Variants in FGFR1 observed in about 807,000 individuals in gnomAD.
FGFR1 encodes the protein fibroblast growth factor receptor 1, also known as FGFR1/PLAG1 fusion.
In FGFR1, 18 loss-of-function variants were observed where a neutral mutation model predicts 93.7. That is an observed-to-expected ratio of 0.19 (90% CI 0.13 to 0.28). The LOEUF is 0.28. FGFR1 is among the 10% of genes least tolerant of loss of function. The pLI is 1.00. For synonymous variants in FGFR1, 448 were observed against 429.3 expected (o/e 1.04, Z -0.54); for missense variants, 731 against 1,080.4 (o/e 0.68, Z 4.53).
rs2150856652 is a variant in FGFR1, at chr8:38,426,111, T to A, written c.745+11A>T. The A allele has an allele frequency of 6.2e-7, 1 of 1,614,156 alleles. No individual in the cohort carries two copies. On this transcript the variant is annotated intron_variant, in intron 6 of 17. Coordinates refer to ENST00000447712, the MANE Select transcript of FGFR1 (RefSeq NM_023110.3). This position sits in a 1 kb window ranked among gnomAD's most constrained non-coding sequence, Gnocchi z 4.1. ...CTAAACTCATTCCTCCTGCTGCCTC[T>A]GCCCTCTTACCCACGACATCCAGCT...
At chr8:38,421,052 A>T (rs990348643) in intron 8 of FGFR1, among the ~76,000 whole-genome samples, 1 of 152,150 alleles carries the variant, frequency 6.6e-6, no homozygotes, top group Non-Finnish European at 1.5e-5. Context: ...GAGAGAGAAG[A>T]GGGCAGTGCC....
rs1018137382 is a variant in FGFR1 at position 38,429,150 on chromosome 8, A to G, written c.358+532T>C. On this transcript the variant is annotated intron_variant, in intron 3 of 17. Transcript: ENST00000447712. The surrounding 1 kb of genome is among the most constrained non-coding windows in gnomAD (Gnocchi z 4.4). ...TTTCAGCTCCACTTCCTCAACTCCTAGTTTTGTGAAAGTCACATTCTAAGA... is the reference window on the plus strand; with the variant it reads ...TTTCAGCTCCACTTCCTCAACTCCTGGTTTTGTGAAAGTCACATTCTAAGA... 4.9e-5 allele frequency: 18 copies of G among 368,088 alleles called. No homozygotes were observed. The highest frequency in any genetic ancestry group is 8.6e-5 in the Non-Finnish European group (16 of 185,722). The allele number at this position is 368,088 out of a possible 1,614,324, so 22.8% of individuals were successfully genotyped here. A position where few individuals can be genotyped will look rare whatever the true frequency, so the allele number is the denominator to read the frequency against.
In FGFR1 at chr8:38,413,582, G is replaced by C. The variant is rs914122698; in HGVS notation, c.*46C>G. On this transcript the variant is annotated 3_prime_UTR_variant, in exon 18 of 18. Transcript: ENST00000447712. This position sits in a 1 kb window ranked among gnomAD's most constrained non-coding sequence, Gnocchi z 4.2. Reference sequence around the variant, plus strand: ...TGGGCCCAGCAGGGGCTGTGGGTGAGGGTTACAGCTGACGGTGGAGTCTGG... The same window carrying C: ...TGGGCCCAGCAGGGGCTGTGGGTGACGGTTACAGCTGACGGTGGAGTCTGG... 3 of 1,566,256 alleles carry C rather than the reference G, an allele frequency of 1.9e-6. No individual in the cohort carries two copies. The African/African-American group carries it at 4.0e-5, about 21-fold the overall frequency.
At position 38,417,979 on chromosome 8, in the gene FGFR1, G is replaced by A. The variant is rs2150658041; in HGVS notation, c.1443C>T (p.Gly481=). ...WELPRDRLVL[G]KPLGEGCFGQ... is the part of the protein sequence containing the mutation. The stretch of plus-strand genomic sequence containing the variant: ...CAAAGCAGCCCTCTCCCAGGGGTTT[G>A]CCTAAGACCAGTCTTTCGGGGGAAA... Residue 481 remains glycine (G), a synonymous_variant, in exon 11 of 18, where the codon GGC becomes GGT. Coordinates refer to ENST00000447712, the MANE Select transcript of FGFR1 (RefSeq NM_023110.3). 6.2e-7 allele frequency: 1 copy of A among 1,614,228 alleles called. No homozygotes were observed.
intron 2 of FGFR1, among the ~76,000 whole-genome samples, chr8:38,446,351 C>T (rs1432161287): frequency 3.3e-5 from 5 of 152,038 alleles, no homozygotes; most frequent in African/African-American, 1.2e-4. Flanking sequence ...CTTGGGATTA[C>T]AGGCGCCCGC....
intron 1 of FGFR1, among the ~76,000 whole-genome samples, chr8:38,460,067 CA>C (rs1360026965): frequency 4.6e-5 from 7 of 152,148 alleles, no homozygotes; most frequent in Non-Finnish European, 7.3e-5. Flanking sequence ...CCTGTAATCC[CA>C]GCTACTCAGG....
intron 13 of FGFR1, 98 bp downstream of exon 13, chr8:38,415,772 C>T (rs756817433): frequency 6.5e-6 from 8 of 1,240,044 alleles, no homozygotes; most frequent in Non-Finnish European, 9.3e-6. Flanking sequence ...CTCAGTGCAT[C>T]CACAACGCCA....
At position 38,428,453 on chromosome 8, in the gene FGFR1, G is replaced by A. The variant is rs1177584027; in HGVS notation, c.359-18C>T. On this transcript the variant is annotated intron_variant, in intron 3 of 17. Coordinates refer to ENST00000447712, the MANE Select transcript of FGFR1 (RefSeq NM_023110.3). ...GAGAGCATCTATGGGAAGAAGAAGG[G>A]GCACTGAGGTTCCTCCTAGGGACCC... 14 of 1,599,250 alleles carry A rather than the reference G, an allele frequency of 8.8e-6. No homozygotes were observed. In the East Asian group the frequency reaches 3.1e-4, roughly 36 times the overall value.
intron 12 of FGFR1, among the ~76,000 whole-genome samples, chr8:38,416,702 G>A (rs918343975): frequency 2.0e-5 from 3 of 151,854 alleles, no homozygotes; most frequent in Non-Finnish European, 2.9e-5. Flanking sequence ...TGATCCACCC[G>A]CCTCACCCTC....
intron 8 of FGFR1, chr8:38,419,988 A>G (rs1196855147): frequency 7.9e-6 from 4 of 507,546 alleles, no homozygotes; most frequent in African/African-American, 5.7e-5. Flanking sequence ...CACAAGCCCC[A>G]TCTTCATTAA....
intron 9 of FGFR1, chr8:38,418,636 A>G: frequency 1.8e-6 from 1 of 541,372 alleles, no homozygotes; most frequent in South Asian, 2.1e-5. Flanking sequence ...CCAGCTTGAC[A>G]TTTTATAACT....
At chr8:38,430,112 G>T in intron 2 of FGFR1, 164 bp from the exon 3 acceptor site, 1 of 684,240 alleles carries the variant, frequency 1.5e-6, no homozygotes, top group South Asian at 2.0e-5. Flanking sequence ...GGGAATTGGA[G>T]CATGGGTCAG....
intron 2 of FGFR1, among the ~76,000 whole-genome samples, chr8:38,451,090 C>T (rs1050193134): frequency 2.6e-5 from 4 of 152,178 alleles, no homozygotes; most frequent in African/African-American, 9.7e-5. Context: ...AGGCCTAAAT[C>T]CTCCACCCTT....
Position 38,413,492 on chromosome 8 carries a change from C to T in FGFR1, c.*136G>A. On this transcript the variant is annotated 3_prime_UTR_variant, in exon 18 of 18. Transcript: ENST00000447712. The surrounding 1 kb of genome is among the most constrained non-coding windows in gnomAD (Gnocchi z 4.2). ...CTGAGTGGGGTGAAGGCAGGCCACA[C>T]AGGAAGGCCCCTGGTAGGCAGCCGG... 2 of 941,886 alleles carry T rather than the reference C, an allele frequency of 2.1e-6. No homozygotes were observed. Among genetic ancestry groups the T allele is most frequent in the South Asian group, 3.4e-5 (2 of 59,302 alleles). 58.3% of individuals were successfully genotyped at this position (941,886 alleles called of 1,614,324 possible).
intron 2 of FGFR1, among the ~76,000 whole-genome samples, chr8:38,443,970 G>A (rs563170546): frequency 2.1e-5 from 3 of 146,002 alleles, no homozygotes; most frequent in Admixed American, 7.0e-5. Flanking sequence ...GGAGAACTGC[G>A]TGAACTCAGG....
chr8:38,443,425 T>C (rs545216461), intron 2 of FGFR1, among the ~76,000 whole-genome samples: 1 of 149,884 alleles, frequency 6.7e-6, no homozygotes, highest in Non-Finnish European at 1.5e-5. Flanking sequence ...TTCGGGAGGC[T>C]GAGGTGAGAG....
chr8:38,447,780 T>G (rs1257877126), intron 2 of FGFR1, among the ~76,000 whole-genome samples: 1 of 152,184 alleles, frequency 6.6e-6, no homozygotes, highest in Non-Finnish European at 1.5e-5. Flanking sequence ...TGCACCCGGC[T>G]GGTATTTATT....
In FGFR1 at chr8:38,424,303, T is replaced by C; in HGVS notation, c.936+206A>G. 1 of 720,038 alleles carries C rather than the reference T, an allele frequency of 1.4e-6. No individual in the cohort carries two copies. The highest frequency in any genetic ancestry group is 2.6e-6 in the Non-Finnish European group (1 of 389,928). 44.6% of individuals were successfully genotyped at this position (720,038 alleles called of 1,614,324 possible). On this transcript the variant is annotated intron_variant, in intron 7 of 17. Coordinates refer to ENST00000447712, the MANE Select transcript of FGFR1 (RefSeq NM_023110.3). This position sits in a 1 kb window ranked among gnomAD's most constrained non-coding sequence, Gnocchi z 4.3. Reference sequence around the variant, plus strand: ...AGCACCACCCATCCCTGCAGCCCTCTGTTCCCAGCTCACCTCCACTTTGTG... The same window carrying C: ...AGCACCACCCATCCCTGCAGCCCTCCGTTCCCAGCTCACCTCCACTTTGTG...
intron 2 of FGFR1, among the ~76,000 whole-genome samples, chr8:38,437,389 T>G: frequency 6.6e-6 from 1 of 152,178 alleles, no homozygotes; most frequent in East Asian, 1.9e-4. Flanking sequence ...GTGCTCAGAT[T>G]TGCACAGCAC....
Sources: allele counts gnomAD v4.1 joint callset (sites outside exome capture counted in the v4.1 genomes callset), GRCh38; gene constraint gnomAD v4.1.1; non-coding constraint Gnocchi (gnomAD v3.1); transcripts MANE v1.5; gene names NCBI Gene and HGNC (gene_info 2026-07-23, HGNC 2026-07-21).